Variants in ARHGAP6 observed in about 807,000 individuals in gnomAD.
The protein encoded by ARHGAP6 is rho GTPase-activating protein 6.
Under a neutral mutation model 55.7 loss-of-function variants are expected in ARHGAP6, and 16 were observed. That is an observed-to-expected ratio of 0.29 (90% CI 0.19 to 0.44). The LOEUF is 0.44. ARHGAP6 is among the 20% of genes least tolerant of loss of function. ARHGAP6 has a pLI of 1.00. For missense variants in ARHGAP6, 698 were observed against 808.9 expected, an observed-to-expected ratio of 0.86 and a Z score of 1.66; for synonymous variants, 382 against 360.9, an observed-to-expected ratio of 1.06 and a Z score of -0.66.
intron 9 of ARHGAP6, among the ~76,000 whole-genome samples, chrX:11,161,593 TA>T (rs754430044): frequency 6.0e-4 from 65 of 108,437 alleles, no homozygotes; most frequent in African/African-American, 1.9e-3. Context: ...TCAAAAGCGC[TA>T]AAAAAAAATG....
intron 1 of ARHGAP6, among the ~76,000 whole-genome samples, chrX:11,432,518 A>G (rs771029355): frequency 1.8e-5 from 2 of 112,491 alleles, no homozygotes; most frequent in African/African-American, 3.2e-5. Context: ...TTACTAGACA[A>G]TGCCTAACAG....
chrX:11,196,061 AAGGTG>A (rs2046535163), intron 3 of ARHGAP6, among the ~76,000 whole-genome samples: 1 of 106,950 alleles, frequency 9.4e-6, no homozygotes, highest in African/African-American at 3.4e-5. Context: ...ATGAACCTGG[AAGGTG>A]GACGTTGCAG....
At chrX:11,565,608 C>T (rs974500977) in intron 1 of ARHGAP6, among the ~76,000 whole-genome samples, 1 of 112,448 alleles carries the variant, frequency 8.9e-6, no homozygotes, top group Non-Finnish European at 1.9e-5. Context: ...CTTCCAGGTA[C>T]AGTAGGTATC....
intron 8 of ARHGAP6, among the ~76,000 whole-genome samples, chrX:11,174,548 TCC>T (rs1205037063): frequency 1.0e-4 from 8 of 79,390 alleles, no homozygotes; most frequent in African/African-American, 2.6e-4. Flanking sequence ...CTTCCTTCCT[TCC>T]TTCCTTCCTT....
rs1396584211 is a variant in ARHGAP6, at chrX:11,595,766, T to G, written c.588+68475A>C. 2.7e-5 allele frequency among the ~76,000 whole-genome samples: 3 copies of G among 112,172 alleles called. 1 individual carries two copies. The highest frequency in any genetic ancestry group is 9.7e-5 in the African/African-American group (3 of 30,836). ...ACCATCAAAAAGTGGGCAAAGGATA[T>G]GAACAGACTCTTCTCAAAAGAAGAC... On this transcript the variant is annotated intron_variant, in intron 1 of 12. Coordinates refer to ENST00000337414, the MANE Select transcript of ARHGAP6 (RefSeq NM_013427.3).
chrX:11,183,279 C>A (rs1394040597), intron 5 of ARHGAP6, among the ~76,000 whole-genome samples: 1 of 111,392 alleles, frequency 9.0e-6, no homozygotes, highest in East Asian at 2.8e-4. Context: ...ATAATTTACT[C>A]CATATTCCCC....
intron 1 of ARHGAP6, among the ~76,000 whole-genome samples, chrX:11,512,305 T>A (rs1028776788): frequency 1.1e-4 from 12 of 111,617 alleles, no homozygotes; most frequent in Non-Finnish European, 2.1e-4. Flanking sequence ...ACCTGGAAAT[T>A]ATTTTAGAAA....
chrX:11,154,650 G>T (rs1208317316), intron 10 of ARHGAP6, among the ~76,000 whole-genome samples: 2 of 111,821 alleles, frequency 1.8e-5, no homozygotes, highest in African/African-American at 6.5e-5. Context: ...TTTAAATGAG[G>T]GGCTCATAAA....
intron 2 of ARHGAP6, among the ~76,000 whole-genome samples, chrX:11,238,292 G>T (rs1016315079): frequency 2.7e-5 from 3 of 112,529 alleles, no homozygotes; most frequent in Non-Finnish European, 5.6e-5. Flanking sequence ...AGAAATGGGA[G>T]TCTGCATATA....
intron 1 of ARHGAP6, among the ~76,000 whole-genome samples, chrX:11,531,829 C>T (rs186623781): frequency 9.7e-4 from 109 of 112,347 alleles, no homozygotes; most frequent in African/African-American, 3.3e-3. Flanking sequence ...GATGAAGAAA[C>T]GTGGTTTCTC....
intron 1 of ARHGAP6, chrX:11,427,617 G>A (rs2049897031): frequency 2.3e-6 from 2 of 880,137 alleles, no homozygotes; most frequent in Admixed American, 4.7e-5. Flanking sequence ...GAGGAGTGGC[G>A]CGCCTTGGGC....
intron 1 of ARHGAP6, among the ~76,000 whole-genome samples, chrX:11,394,019 G>T (rs2049444592): frequency 9.0e-6 from 1 of 111,384 alleles, no homozygotes; most frequent in South Asian, 3.8e-4. Context: ...AGGGTGAGTA[G>T]TTGATCCAGA....
At chrX:11,220,242 G>A (rs1386484168) in intron 2 of ARHGAP6, among the ~76,000 whole-genome samples, 15 of 111,088 alleles carry the variant, frequency 1.4e-4, no homozygotes, top group Non-Finnish European at 2.5e-4. Flanking sequence ...TGTTCCATTG[G>A]TCTATATCTC....
chrX:11,547,638 T>C lies in ARHGAP6; in HGVS notation c.588+116603A>G, dbSNP rs148603838. On this transcript the variant is annotated intron_variant, in intron 1 of 12. Transcript: ENST00000337414. ...TCTAATAATATTTCTATTTCTGTGC[T>C]CCTCTCTCAGGGAGAAAGCCACCCA... Among the ~76,000 whole-genome samples the C allele has an allele frequency of 5.9e-3, 663 of 111,826 alleles. 2 individuals are homozygous for C. The highest frequency in any genetic ancestry group is 0.021 in the African/African-American group (634 of 30,748).
intron 1 of ARHGAP6, among the ~76,000 whole-genome samples, chrX:11,333,230 A>T (rs974452890): frequency 1.8e-5 from 2 of 111,910 alleles, no homozygotes; most frequent in African/African-American, 6.5e-5. Flanking sequence ...AGTTCCCATA[A>T]TCCCCACATG....
chrX:11,363,001 A>G (rs764541412), intron 1 of ARHGAP6, among the ~76,000 whole-genome samples: 1 of 112,321 alleles, frequency 8.9e-6, no homozygotes, highest in Non-Finnish European at 1.9e-5. Context: ...TTTCCTTCTG[A>G]TACTTCATTT....
intron 1 of ARHGAP6, among the ~76,000 whole-genome samples, chrX:11,624,473 T>G (rs780029473): frequency 8.8e-6 from 1 of 113,193 alleles, no homozygotes; most frequent in South Asian, 3.6e-4. Context: ...TGTCAACTAT[T>G]CATCTGACGT....
At chrX:11,498,000 T>C (rs545211702) in intron 1 of ARHGAP6, among the ~76,000 whole-genome samples, 63 of 111,850 alleles carry the variant, frequency 5.6e-4, no homozygotes, top group South Asian at 4.9e-3. Flanking sequence ...CATATCATTA[T>C]TGTTGCTGTA....
intron 1 of ARHGAP6, among the ~76,000 whole-genome samples, chrX:11,267,781 G>C (rs2047646221): frequency 8.9e-6 from 1 of 112,332 alleles, no homozygotes; most frequent in South Asian, 3.6e-4. Context: ...AGGAAGTGCA[G>C]AAATAATGGA....
Sources: allele counts gnomAD v4.1 joint callset (sites outside exome capture counted in the v4.1 genomes callset), GRCh38; gene constraint gnomAD v4.1.1; transcripts MANE v1.5; gene names NCBI Gene and HGNC (gene_info 2026-07-23, HGNC 2026-07-21).